Variants in TSPEAR observed in about 807,000 individuals in gnomAD.
TSPEAR encodes thrombospondin type laminin G domain and EAR repeats, also known as thrombospondin-type laminin G domain and EAR repeat-containing protein.
In TSPEAR, 69 loss-of-function variants were observed where a neutral mutation model predicts 71.6. The ratio of observed to expected loss-of-function variants is 0.96; its 90% CI spans 0.79 to 1.18. The LOEUF (loss-of-function observed/expected upper bound fraction) is 1.18, where lower values mean the gene tolerates loss of function less well. Among genes scored for constraint, TSPEAR ranks in the 50% most tolerant of loss-of-function variants. The pLI is 0.00. For missense variants in TSPEAR, 971 were observed against 894.9 expected, an observed-to-expected ratio of 1.09 and a Z score of -1.09; for synonymous variants, 402 against 387.2, an observed-to-expected ratio of 1.04 and a Z score of -0.45.
At chr21:44,647,069 G>T in intron 1 of TSPEAR, 1 of 1,613,704 alleles carries the variant, frequency 6.2e-7, no homozygotes, top group African/African-American at 1.3e-5. Context: ...CCCATCTGCT[G>T]TGTGCCTGTC....
chr21:44,645,543 C>T lies in TSPEAR; in HGVS notation c.82+65890G>A, dbSNP rs181343851. 5.8e-4 allele frequency among the ~76,000 whole-genome samples: 88 copies of T among 151,638 alleles called. 1 individual carries two copies. The highest frequency in any genetic ancestry group is 2.0e-3 in the African/African-American group (81 of 41,336). ...AATTTTTTGTATTTTTAGTAGAGAC[C>T]GGGTTTCACCATGCTGGCCAGGCTG... On this transcript the variant is annotated intron_variant, in intron 1 of 11. Transcript: ENST00000323084.
chr21:44,633,836 A>C (rs1313314508), intron 1 of TSPEAR, among the ~76,000 whole-genome samples: 2 of 152,266 alleles, frequency 1.3e-5, no homozygotes, highest in South Asian at 4.1e-4. Context: ...GAAGTCTTCA[A>C]ACATTATTGT....
rs998610400 is a variant in TSPEAR at position 44,546,146 on chromosome 21, T to C, written c.304-12223A>G. On this transcript the variant is annotated intron_variant, in intron 2 of 11. Transcript: ENST00000323084. This position sits in a 1 kb window ranked among gnomAD's most constrained non-coding sequence, Gnocchi z 4.4. ...GGATTATAAGGAATACTATGAAAAT[T>C]TGTACACCAACAAATTAGATAACTA... Among the ~76,000 whole-genome samples, 1 of 152,146 alleles carries C rather than the reference T, an allele frequency of 6.6e-6. No homozygotes were observed. Among genetic ancestry groups the C allele is most frequent in the African/African-American group, 2.4e-5 (1 of 41,428 alleles).
intron 2 of TSPEAR, among the ~76,000 whole-genome samples, chr21:44,566,877 A>C (rs1440601103): frequency 1.3e-5 from 2 of 152,244 alleles, no homozygotes; most frequent in African/African-American, 2.4e-5. Context: ...TTGAAGACTC[A>C]CATGTAAGTA....
At chr21:44,649,096 G>A (rs1363495706) in intron 1 of TSPEAR, among the ~76,000 whole-genome samples, 3 of 152,206 alleles carry the variant, frequency 2.0e-5, no homozygotes, top group Non-Finnish European at 4.4e-5. Flanking sequence ...ACAGGAAACC[G>A]CAAAGCTCCC....
At chr21:44,697,303 G>A (rs782709567) in intron 1 of TSPEAR, 41 of 1,613,254 alleles carry the variant, frequency 2.5e-5, no homozygotes, top group Admixed American at 3.3e-5. Context: ...ACTGCCCAGA[G>A]AGCTGCTGTG....
intron 1 of TSPEAR, among the ~76,000 whole-genome samples, chr21:44,631,517 G>T (rs1555935721): frequency 6.6e-6 from 1 of 152,112 alleles, no homozygotes; most frequent in African/African-American, 2.4e-5. Flanking sequence ...GGGAGTTTGA[G>T]AACGGCCTGG....
chr21:44,648,884 G>A (rs1445544294), intron 1 of TSPEAR, among the ~76,000 whole-genome samples: 3 of 152,248 alleles, frequency 2.0e-5, no homozygotes, highest in Non-Finnish European at 4.4e-5. Context: ...TCAAGCTGCC[G>A]TGCCAGACGC....
chr21:44,510,589 C>T (rs2052340759), intron 9 of TSPEAR: 1 of 152,268 alleles, frequency 6.6e-6, no homozygotes, highest in African/African-American at 2.4e-5. Context: ...CTGTCCGGCG[C>T]CTGCCCGGCC....
chr21:44,683,086 G>A (rs561383036), intron 1 of TSPEAR, among the ~76,000 whole-genome samples: 1 of 152,026 alleles, frequency 6.6e-6, no homozygotes, highest in East Asian at 1.9e-4. Context: ...AAATGAGTAA[G>A]GACCACAGAC....
chr21:44,543,926 A>T (rs1448869093), intron 2 of TSPEAR, among the ~76,000 whole-genome samples: 1 of 152,272 alleles, frequency 6.6e-6, no homozygotes, highest in African/African-American at 2.4e-5. Context: ...GGAATAAAAA[A>T]ACTTAAAACA....
At chr21:44,656,171 C>T (rs1985132167) in intron 1 of TSPEAR, among the ~76,000 whole-genome samples, 1 of 152,192 alleles carries the variant, frequency 6.6e-6, no homozygotes, top group South Asian at 2.1e-4. Flanking sequence ...GAGCTAGTCA[C>T]CAAGTAATCC....
chr21:44,521,649 C>G (rs2052736823), intron 9 of TSPEAR, among the ~76,000 whole-genome samples: 1 of 152,258 alleles, frequency 6.6e-6, no homozygotes, highest in Non-Finnish European at 1.5e-5. Context: ...TTCCAGGCAC[C>G]TGGACTGTCC....
chr21:44,526,166 A>T (rs2052850784), intron 7 of TSPEAR, among the ~76,000 whole-genome samples: 1 of 152,220 alleles, frequency 6.6e-6, no homozygotes, highest in Non-Finnish European at 1.5e-5. Context: ...CATAACCCAG[A>T]TGACCAGAAA....
At chr21:44,603,702 G>T (rs113803140) in intron 1 of TSPEAR, among the ~76,000 whole-genome samples, 21 of 152,282 alleles carry the variant, frequency 1.4e-4, no homozygotes, top group African/African-American at 4.6e-4. Context: ...TCCTCCAAGG[G>T]GCCATTCTCA....
intron 2 of TSPEAR, among the ~76,000 whole-genome samples, chr21:44,564,178 A>G (rs1457358599): frequency 6.6e-6 from 1 of 152,230 alleles, no homozygotes; most frequent in Non-Finnish European, 1.5e-5. Flanking sequence ...GTGCATGCCA[A>G]TGAATGACCA....
Position 44,593,790 on chromosome 21 carries a change from G to A in TSPEAR, c.83-25785C>T, listed in dbSNP as rs1421596865. Among the ~76,000 whole-genome samples, 1 of 152,126 alleles carries A rather than the reference G, an allele frequency of 6.6e-6. No individual in the cohort carries two copies. The highest frequency in any genetic ancestry group is 2.4e-5 in the African/African-American group (1 of 41,440). On this transcript the variant is annotated intron_variant, in intron 1 of 11. Transcript: ENST00000323084. This position sits in a 1 kb window ranked among gnomAD's most constrained non-coding sequence, Gnocchi z 5.9. ...ACTCTGCTCTCACGCCACAGCTGCT[G>A]TTTTTCTACAGTGGCTAAACACGCA...
At chr21:44,552,642 C>T (rs1354463627) in intron 2 of TSPEAR, among the ~76,000 whole-genome samples, 2 of 152,288 alleles carry the variant, frequency 1.3e-5, no homozygotes, top group South Asian at 2.1e-4. Context: ...CTCTGTTATT[C>T]GCAGGTGACA....
chr21:44,710,399 C>T lies in TSPEAR; in HGVS notation c.82+1034G>A, dbSNP rs1988157510. The stretch of plus-strand genomic sequence containing the variant: ...GCACAGCCATCCGTCCCTGGGTGGG[C>T]AGGCACGTTTATGACCCCCACCCCC... On this transcript the variant is annotated intron_variant, in intron 1 of 11. Transcript: ENST00000323084. The surrounding 1 kb of genome is among the most constrained non-coding windows in gnomAD (Gnocchi z 4.6). Among the ~76,000 whole-genome samples the T allele has an allele frequency of 1.3e-5, 2 of 150,936 alleles. No individual in the cohort carries two copies. Among genetic ancestry groups the T allele is most frequent in the East Asian group, 3.9e-4 (2 of 5,140 alleles).
Sources: gnomAD v4.1 joint callset for allele counts (sites outside exome capture counted in the v4.1 genomes callset) on GRCh38, gnomAD v4.1.1 for gene constraint, Gnocchi (gnomAD v3.1) non-coding constraint, MANE v1.5 for transcripts, NCBI Gene and HGNC (gene_info 2026-07-23, HGNC 2026-07-21) for gene names.